TFE3: variants seen among roughly 807,000 people sequenced by gnomAD.
TFE3 encodes transcription factor E3.
A neutral mutation model predicts 35.0 loss-of-function variants in TFE3; 5 were observed. The observed-to-expected ratio is 0.14, with a 90% CI of 0.07 to 0.30. TFE3 has a LOEUF of 0.30. Ranked by LOEUF, TFE3 falls within the 10% of genes least tolerant of loss-of-function variation. The probability of loss-of-function intolerance (pLI) is 1.00; values close to 1 mark genes in which losing one functional copy is unlikely to be tolerated. For synonymous variants in TFE3, 211 were observed against 215.6 expected (o/e 0.98, Z 0.18); for missense variants, 374 against 496.6 (o/e 0.75, Z 2.35).
chrX:49,031,583 A>G, intron 8 of TFE3, 39 bp from the exon 9 acceptor site: 1 of 1,139,224 alleles, frequency 8.8e-7, no homozygotes, highest in Non-Finnish European at 1.2e-6. Context: ...GAAATGCCAC[A>G]TGAGGAGTTT....
intron 9 of TFE3, among the ~76,000 whole-genome samples, 157 bp downstream of exon 9, chrX:49,031,237 GATT>G (rs1557073676): frequency 9.0e-6 from 1 of 111,186 alleles, no homozygotes; most frequent in Non-Finnish European, 1.9e-5. Context: ...TTAATATTAT[GATT>G]ATTATTTATC....
chrX:49,032,277 C>T (rs1484157893), intron 8 of TFE3, among the ~76,000 whole-genome samples: 1 of 111,244 alleles, frequency 9.0e-6, no homozygotes, highest in Non-Finnish European at 1.9e-5. Flanking sequence ...CTCTGTCACC[C>T]AGGCTGGAGA....
At chrX:49,032,161 T>C (rs2064702851) in intron 8 of TFE3, 1 of 112,533 alleles carries the variant, frequency 8.9e-6, no homozygotes, top group Non-Finnish European at 1.9e-5. Flanking sequence ...TTGTTCCCTC[T>C]GGTATCTTTA....
At chrX:49,035,252 G>A (rs1052786144) in intron 5 of TFE3, among the ~76,000 whole-genome samples, 1 of 104,997 alleles carries the variant, frequency 9.5e-6, no homozygotes, top group Non-Finnish European at 1.9e-5. Context: ...AACCCAGGAG[G>A]TAGAGGTTGC....
intron 1 of TFE3, among the ~76,000 whole-genome samples, chrX:49,041,623 C>T (rs781844644): frequency 9.0e-6 from 1 of 111,164 alleles, no homozygotes; most frequent in African/African-American, 3.3e-5. Context: ...AACACACACA[C>T]ACCCCCAACA....
rs782082456 is a variant in TFE3, at chrX:49,035,298, G to C, written c.886-1047C>G. ...GATCACACCACTGCACTCCAGCCTGGGCAACAGAGCAAGACTCTATCTCAA... is the reference window on the plus strand; with the variant it reads ...GATCACACCACTGCACTCCAGCCTGCGCAACAGAGCAAGACTCTATCTCAA... On this transcript the variant is annotated intron_variant, in intron 5 of 9. Coordinates refer to ENST00000315869, the MANE Select transcript of TFE3 (RefSeq NM_006521.6). 4.7e-5 allele frequency among the ~76,000 whole-genome samples: 4 copies of C among 84,265 alleles called. No individual in the cohort carries two copies. The South Asian group carries it at 2.4e-3, about 51-fold the overall frequency. 73.2% of individuals were successfully genotyped at this position (84,265 alleles called of 115,157 possible). A position where few individuals can be genotyped will look rare whatever the true frequency, so the allele number is the denominator to read the frequency against.
chrX:49,029,932 C>G lies in TFE3; in HGVS notation c.*226G>C. The stretch of plus-strand genomic sequence containing the variant: ...ATCTCATGTCCTTCTCCAGCCTTCT[C>G]CTTCTGAAATACCTGCACTGGGCGG... On this transcript the variant is annotated 3_prime_UTR_variant, in exon 10 of 10. Coordinates refer to ENST00000315869, the MANE Select transcript of TFE3 (RefSeq NM_006521.6). 3.9e-6 allele frequency: 2 copies of G among 516,490 alleles called. No homozygotes were observed. Among genetic ancestry groups the G allele is most frequent in the Non-Finnish European group, 7.0e-6 (2 of 286,283 alleles). 42.6% of individuals were successfully genotyped at this position (516,490 alleles called of 1,213,427 possible).
rs2064715845 is a variant in TFE3 at position 49,034,220 on chromosome X, T to C, written c.917A>G (p.Tyr306Cys). The change falls in exon 6 of 10, where the codon TAC becomes TGC. Residue 306 changes from tyrosine to cysteine, a missense_variant. By Grantham distance (194) the Tyr-to-Cys change is radical. Transcript: ENST00000315869. Reference sequence around the variant, plus strand: ...TGGTGTGGCCACGCCTTGACTACTGTACACATCAAGCAGATTCCCTGACAC... The same window carrying C: ...TGGTGTGGCCACGCCTTGACTACTGCACACATCAAGCAGATTCCCTGACAC... The part of the protein sequence containing the change: ...LPVSGNLLDV[Y>C]SSQGVATPAI... 4 of 1,203,414 alleles carry C rather than the reference T, an allele frequency of 3.3e-6. No individual in the cohort carries two copies. The highest frequency in any genetic ancestry group is 3.4e-6 in the Non-Finnish European group (3 of 890,932).
chrX:49,041,810 T>C (rs1315766288), intron 1 of TFE3, among the ~76,000 whole-genome samples: 2 of 112,278 alleles, frequency 1.8e-5, no homozygotes, highest in Non-Finnish European at 3.8e-5. Context: ...TGGATGAATA[T>C]GCATCCTTCA....
chrX:49,030,590 C>T lies in TFE3; in HGVS notation c.1296G>A (p.Leu432=). The T allele has an allele frequency of 8.3e-7, 1 of 1,207,963 alleles. No individual in the cohort carries two copies. Among genetic ancestry groups the T allele is most frequent in the Non-Finnish European group, 1.1e-6 (1 of 893,214 alleles). ...SLQLRIQELE[L]QAQIHGLPVP... ...CTGGCAGGCCATGGATCTGGGCCTG[C>T]AGTTCTAGTTCCTGTAAAAAATAGG... Residue 432 remains leucine (L), a synonymous_variant, in exon 10 of 10, where the codon CTG becomes CTA. Transcript: ENST00000315869.
chrX:49,032,500 A>G (rs782555753), intron 8 of TFE3, among the ~76,000 whole-genome samples: 4 of 109,738 alleles, frequency 3.6e-5, no homozygotes, highest in Admixed American at 2.0e-4. Flanking sequence ...GGCCTCCCCA[A>G]GTGCTGGGAT....
At chrX:49,039,881 C>A (rs2064751138) in intron 2 of TFE3, 1 of 115,063 alleles carries the variant, frequency 8.7e-6, no homozygotes, top group East Asian at 2.7e-4. Context: ...CCTCTTCTTC[C>A]CCTGCCTGGG....
intron 5 of TFE3, among the ~76,000 whole-genome samples, chrX:49,036,845 T>A (rs1338996682): frequency 9.0e-6 from 1 of 111,657 alleles, no homozygotes; most frequent in African/African-American, 3.3e-5. Flanking sequence ...TATGAGACTC[T>A]TGGAGTGTTC....
intron 5 of TFE3, among the ~76,000 whole-genome samples, chrX:49,035,048 C>T (rs1249029906): frequency 5.4e-5 from 6 of 110,249 alleles, no homozygotes; most frequent in African/African-American, 1.3e-4. Flanking sequence ...CAGTGGCTCA[C>T]GCCTGTAATC....
In TFE3 at chrX:49,031,391, T is replaced by C. The variant is rs1034900935; in HGVS notation, c.1284+6A>G. ...CTTCCCCCACCACCATCTCCTCTTT[T>C]CAAACCTGAATTCGGAGCTGCAGGC... On this transcript the variant is annotated splice_donor_region_variant and intron_variant, in intron 9 of 9. Transcript: ENST00000315869. 5 of 1,189,191 alleles carry C rather than the reference T, an allele frequency of 4.2e-6. No individual in the cohort carries two copies. The highest frequency in any genetic ancestry group is 5.7e-6 in the Non-Finnish European group (5 of 882,344).
At chrX:49,040,016 C>T (rs1340442579) in intron 2 of TFE3, among the ~76,000 whole-genome samples, 2 of 110,563 alleles carry the variant, frequency 1.8e-5, no homozygotes, top group Non-Finnish European at 3.8e-5. Flanking sequence ...CACATTTAGA[C>T]TTCCAAGCTT....
In TFE3 at chrX:49,029,165, T is replaced by C. The variant is rs1300932142; in HGVS notation, c.*993A>G. The C allele has an allele frequency of 1.7e-5, 3 of 172,141 alleles. No homozygotes were observed. Among genetic ancestry groups the C allele is most frequent in the Non-Finnish European group, 3.3e-5 (3 of 90,574 alleles). The allele number at this position is 172,141 out of a possible 1,213,427, so 14.2% of individuals were successfully genotyped here. On this transcript the variant is annotated 3_prime_UTR_variant, in exon 10 of 10. Coordinates refer to ENST00000315869, the MANE Select transcript of TFE3 (RefSeq NM_006521.6). ...TACTGAGGTACTGGTTCTGGTAACC[T>C]GAACTCAGTCCCCCACTAATACCCA...
At chrX:49,031,295 C>A in intron 9 of TFE3, 102 bp downstream of exon 9, 1 of 998,822 alleles carries the variant, frequency 1.0e-6, no homozygotes, top group South Asian at 2.7e-5. Context: ...CCAGGGATCC[C>A]CCAAGTATGC....
At chrX:49,033,698 C>G in intron 7 of TFE3, 28 bp downstream of exon 7, 1 of 1,208,850 alleles carries the variant, frequency 8.3e-7, no homozygotes, top group Non-Finnish European at 1.1e-6. Flanking sequence ...GCACAGCACC[C>G]GGGCAATGCA....
Sources: gnomAD v4.1 joint callset for allele counts (sites outside exome capture counted in the v4.1 genomes callset) on GRCh38, gnomAD v4.1.1 for gene constraint, MANE v1.5 for transcripts, NCBI Gene and HGNC (gene_info 2026-07-23, HGNC 2026-07-21) for gene names.